SYCP2L: variants seen among roughly 807,000 people sequenced by gnomAD.
SYCP2L encodes synaptonemal complex protein 2 like, also known as synaptonemal complex protein 2-like.
Under a neutral mutation model 125.8 loss-of-function variants are expected in SYCP2L, and 98 were observed. The observed-to-expected ratio is 0.78, with a 90% CI of 0.66 to 0.92. The LOEUF (loss-of-function observed/expected upper bound fraction) is 0.92. SYCP2L is among the 40% of genes least tolerant of loss of function. SYCP2L has a pLI of 0.00. For missense variants in SYCP2L, 842 were observed against 936.4 expected (o/e 0.90, Z 1.32); for synonymous variants, 317 against 325.4 (o/e 0.97, Z 0.28).
intron 1 of SYCP2L, 134 bp downstream of exon 1, chr6:10,887,269 C>A: frequency 8.2e-7 from 1 of 1,222,990 alleles, no homozygotes; most frequent in Non-Finnish European, 1.2e-6. Context: ...TAGTCCCCCG[C>A]CACCTCCTTG....
At chr6:10,922,318 C>T (rs1238673) in intron 14 of SYCP2L, among the ~76,000 whole-genome samples, 75,833 of 151,998 alleles carry the variant, frequency 0.5, 19,295 homozygotes, top group Middle Eastern at 0.63. Context: ...TAGTAAATTC[C>T]GTAAGTAAGA....
At chr6:10,902,132 G>C (rs1368799441) in intron 6 of SYCP2L, among the ~76,000 whole-genome samples, 1 of 152,224 alleles carries the variant, frequency 6.6e-6, no homozygotes, top group Non-Finnish European at 1.5e-5. Context: ...GAACTGATCG[G>C]TCTCACCCAA....
At chr6:10,924,766 A>G (rs1196838611) in intron 15 of SYCP2L, 125 bp downstream of exon 15, 3 of 865,840 alleles carry the variant, frequency 3.5e-6, no homozygotes, top group African/African-American at 3.5e-5. Context: ...TTCAAATGCC[A>G]TGTAAAAAAG....
intron 5 of SYCP2L, among the ~76,000 whole-genome samples, chr6:10,898,339 A>G (rs1780296097): frequency 1.3e-5 from 2 of 152,024 alleles, no homozygotes; most frequent in South Asian, 4.1e-4. Flanking sequence ...ACATGGTGAA[A>G]CCCATCTCTA....
chr6:10,906,678 G>GC (rs1780500052), intron 9 of SYCP2L, among the ~76,000 whole-genome samples: 1 of 150,702 alleles, frequency 6.6e-6, no homozygotes. Context: ...GCTCACTGCA[G>GC]CCTCCGCCTC....
chr6:10,955,913 G>A (rs1781496092), intron 24 of SYCP2L, among the ~76,000 whole-genome samples: 1 of 152,164 alleles, frequency 6.6e-6, no homozygotes, highest in Non-Finnish European at 1.5e-5. Context: ...ACCTTGGCCT[G>A]CTTCTTAGAC....
intron 14 of SYCP2L, among the ~76,000 whole-genome samples, chr6:10,920,944 G>A (rs1225755): frequency 0.2 from 29,999 of 152,052 alleles, 3,081 homozygotes; most frequent in East Asian, 0.33. Context: ...GGATGTACAG[G>A]TTTGTTACAT....
intron 1 of SYCP2L, among the ~76,000 whole-genome samples, chr6:10,888,491 C>G (rs116172222): frequency 6.6e-4 from 100 of 152,174 alleles, no homozygotes; most frequent in Non-Finnish European, 1.2e-3. Context: ...TGTCAGGTTC[C>G]TACCCACAAA....
chr6:10,902,611 C>A, intron 6 of SYCP2L, 66 bp from the exon 7 acceptor site: 2 of 1,337,750 alleles, frequency 1.5e-6, no homozygotes, highest in Admixed American at 1.9e-5. Flanking sequence ...AAGCTCTGAC[C>A]GTGTGTAGGA....
chr6:10,910,831 T>A lies in SYCP2L; in HGVS notation c.880T>A (p.Ser294Thr), dbSNP rs764085358. 6.2e-7 allele frequency: 1 copy of A among 1,614,098 alleles called. No individual in the cohort carries two copies. The highest frequency in any genetic ancestry group is 2.2e-5 in the East Asian group (1 of 44,888). Residue 294 changes from serine to threonine, a missense_variant, in exon 12 of 30, where the codon TCA becomes ACA. Transcript: ENST00000283141. The part of the protein sequence containing the change: ...NRLGDQRRVY[S>T]FPCIAAFADE... ...TTGTGAGGTATTTTGCAGGGTGTATTCATTTCCGTGTATTGCTGCTTTTGC... is the reference window on the plus strand; with the variant it reads ...TTGTGAGGTATTTTGCAGGGTGTATACATTTCCGTGTATTGCTGCTTTTGC...
intron 25 of SYCP2L, 25 bp from the exon 26 acceptor site, chr6:10,958,759 T>A (rs781277708): frequency 3.2e-6 from 5 of 1,586,068 alleles, no homozygotes; most frequent in Non-Finnish European, 4.3e-6. Flanking sequence ...AATGTGATCA[T>A]CTTGTTATTG....
At position 10,894,068 on chromosome 6, in the gene SYCP2L, G is replaced by A. The variant is rs1227415280; in HGVS notation, c.217-17G>A. The A allele has an allele frequency of 9.3e-6, 15 of 1,604,632 alleles. No individual in the cohort carries two copies. The African/African-American group carries it at 1.8e-4, about 19-fold the overall frequency. On this transcript the variant is annotated splice_polypyrimidine_tract_variant and intron_variant, in intron 3 of 29. Transcript: ENST00000283141. The stretch of plus-strand genomic sequence containing the variant: ...AATTATTTATAAGTGTTTTAACTTA[G>A]TGTGGTTTATACCTAGGAACTAGAT...
At chr6:10,927,188 T>C in intron 16 of SYCP2L, 52 bp from the exon 17 acceptor site, 1 of 1,603,140 alleles carries the variant, frequency 6.2e-7, no homozygotes, top group Non-Finnish European at 8.5e-7. Context: ...CACTGGTGAG[T>C]ATGTCAGCGT....
chr6:10,971,224 C>T (rs532664874), intron 29 of SYCP2L, among the ~76,000 whole-genome samples: 25 of 151,762 alleles, frequency 1.6e-4, no homozygotes, highest in African/African-American at 2.4e-4. Flanking sequence ...TTTGGGAGGC[C>T]GAGGCAGGCA....
chr6:10,961,561 A>T lies in SYCP2L; in HGVS notation c.2414+3A>T. On this transcript the variant is annotated splice_donor_region_variant and intron_variant, in intron 28 of 29. Coordinates refer to ENST00000283141, the MANE Select transcript of SYCP2L (RefSeq NM_001040274.3). ...TTCTGTGATCTGCAAGTGCTGAGGT[A>T]CTTTGAAAGGTGTTCTTTCTAGAAG... The T allele has an allele frequency of 6.2e-7, 1 of 1,614,130 alleles. No homozygotes were observed. The highest frequency in any genetic ancestry group is 2.2e-5 in the East Asian group (1 of 44,878).
chr6:10,940,680 G>T (rs1013508390), intron 21 of SYCP2L, among the ~76,000 whole-genome samples: 1 of 152,142 alleles, frequency 6.6e-6, no homozygotes, highest in South Asian at 2.1e-4. Flanking sequence ...GCTAGGAGGT[G>T]GGGGGAAAGA....
At chr6:10,890,283 T>G (rs1248957233) in intron 1 of SYCP2L, among the ~76,000 whole-genome samples, 1 of 152,232 alleles carries the variant, frequency 6.6e-6, no homozygotes, top group Non-Finnish European at 1.5e-5. Flanking sequence ...CATACTGTTT[T>G]CCATATTGTC....
chr6:10,933,289 T>C (rs1285051450), intron 20 of SYCP2L, among the ~76,000 whole-genome samples: 2 of 152,256 alleles, frequency 1.3e-5, no homozygotes, highest in Non-Finnish European at 2.9e-5. Flanking sequence ...TACTCACCTC[T>C]GCCTTTGTAG....
At chr6:10,967,477 G>GTGTGTGTGTC in intron 29 of SYCP2L, among the ~76,000 whole-genome samples, 1 of 147,742 alleles carries the variant, frequency 6.8e-6, no homozygotes, top group East Asian at 1.9e-4. Context: ...GTGTGTGTGT[G>GTGTGTGTGTC]TGTGTGTGTG....
Sources: gnomAD v4.1 joint callset for allele counts (sites outside exome capture counted in the v4.1 genomes callset) on GRCh38, gnomAD v4.1.1 for gene constraint, MANE v1.5 for transcripts, NCBI Gene and HGNC (gene_info 2026-07-23, HGNC 2026-07-21) for gene names.